Variants in ZNF730 observed in about 807,000 individuals in gnomAD.
ZNF730 encodes the protein zinc finger protein 730.
In ZNF730, 12 loss-of-function variants were observed where a neutral mutation model predicts 12.6. The ratio of observed to expected loss-of-function variants is 0.95; its 90% CI spans 0.61 to 1.54. ZNF730 has a LOEUF of 1.54. Ranked by LOEUF, ZNF730 falls within the 40% of genes most tolerant of loss-of-function variation. The pLI, the probability that ZNF730 is intolerant of heterozygous loss-of-function variation, is 0.00. For synonymous variants in ZNF730, 194 were observed against 195.8 expected (o/e 0.99, Z 0.08); for missense variants, 643 against 583.5 (o/e 1.10, Z -1.05).
chr19:23,085,305 T>G (rs1379357565), intron 1 of ZNF730, among the ~76,000 whole-genome samples: 2 of 151,872 alleles, frequency 1.3e-5, no homozygotes, highest in African/African-American at 4.8e-5. Context: ...TTTACCCACC[T>G]TTGTTTGTTT....
Position 23,134,512 on chromosome 19 carries a change from G to T in ZNF730, c.130+306G>T, listed in dbSNP as rs867697175. Among the ~76,000 whole-genome samples the T allele has an allele frequency of 1.8e-3, 257 of 143,046 alleles. 2 individuals carry two copies. The highest frequency in any genetic ancestry group is 6.3e-3 in the African/African-American group (244 of 38,616). The allele number at this position is 143,046 out of a possible 152,430, so 93.8% of individuals were successfully genotyped here. ...CCCCGCCCGGCCGGCCGCCCCGTCC[G>T]GGAGGTGAGGGGCGCCTCTGCCCGG... On this transcript the variant is annotated intron_variant, in intron 2 of 3. Transcript: ENST00000597761.
At chr19:23,135,732 T>C (rs1374417913) in intron 2 of ZNF730, among the ~76,000 whole-genome samples, 3 of 152,070 alleles carry the variant, frequency 2.0e-5, no homozygotes, top group Non-Finnish European at 4.4e-5. Context: ...AGGCTGGTCT[T>C]GAACTCCTGA....
chr19:23,085,836 CTTTTTTTTTTTTTTTTT>C (rs556123915), intron 1 of ZNF730, among the ~76,000 whole-genome samples: 3 of 54,856 alleles, frequency 5.5e-5, no homozygotes, highest in Middle Eastern at 0.017. Flanking sequence ...ATTTTTTTTT[CTTTTTTTTTTTTTTTTT>C]TTTTTTTTTT....
chr19:23,099,761 C>T (rs1262003132), intron 1 of ZNF730, among the ~76,000 whole-genome samples: 1 of 152,112 alleles, frequency 6.6e-6, no homozygotes, highest in Non-Finnish European at 1.5e-5. Context: ...TTAATGTCAC[C>T]AAAAGACCTT....
At chr19:23,104,605 C>T (rs186424517) in intron 1 of ZNF730, among the ~76,000 whole-genome samples, 2 of 152,274 alleles carry the variant, frequency 1.3e-5, no homozygotes, top group African/African-American at 4.8e-5. Flanking sequence ...GTATTCTCAA[C>T]TTATGGCAAT....
At chr19:23,136,144 A>G (rs912251117) in intron 3 of ZNF730, 101 bp downstream of exon 3, 11 of 840,322 alleles carry the variant, frequency 1.3e-5, no homozygotes, top group Middle Eastern at 2.6e-4. Flanking sequence ...GCTGTTTTAC[A>G]AAGGAAATAG....
At chr19:23,112,157 G>C (rs532835958), upstream of ZNF730, among the ~76,000 whole-genome samples, 3 of 151,032 alleles carry the variant, frequency 2.0e-5, no homozygotes, top group African/African-American at 7.3e-5. Context: ...GGCCCCTCCA[G>C]ACTCTTTAAT....
Position 23,134,595 on chromosome 19 carries a change from GT to G in ZNF730, c.130+390del, listed in dbSNP as rs1423421923. Among the ~76,000 whole-genome samples, 428 of 43,974 alleles carry G rather than the reference GT, an allele frequency of 9.7e-3. 4 individuals are homozygous for G. Among genetic ancestry groups the G allele is most frequent in the Non-Finnish European group, 0.018 (326 of 17,896 alleles). The allele number at this position is 43,974 out of a possible 152,430, so 28.8% of individuals were successfully genotyped here. On this transcript the variant is annotated intron_variant, in intron 2 of 3. Transcript: ENST00000597761. ...CTGGCCAGCCGCCCCGTCCTGGAGG[GT>G]GGGGGGGGGGGTCAGCCCCCCGCCC...
chr19:23,136,057 A>G lies in ZNF730; in HGVS notation c.226+14A>G, dbSNP rs768432161. 1.3e-6 allele frequency: 2 copies of G among 1,557,376 alleles called. No homozygotes were observed. The highest frequency in any genetic ancestry group is 1.7e-6 in the Non-Finnish European group (2 of 1,151,722). ...CCAAACCCCCAGGTAGGTGACAGTA[A>G]ATACAATACACAAAACTGATAAGAG... is the stretch of plus-strand genomic sequence containing the variant. On this transcript the variant is annotated intron_variant, in intron 3 of 3. Coordinates refer to ENST00000597761, the MANE Select transcript of ZNF730 (RefSeq NM_001277403.2).
At chr19:23,121,245 T>C (rs562908178) in intron 1 of ZNF730, among the ~76,000 whole-genome samples, 38 of 152,284 alleles carry the variant, frequency 2.5e-4, no homozygotes, top group African/African-American at 9.1e-4. Flanking sequence ...CTGATATCTT[T>C]GTTAATTTTC....
At chr19:23,104,879 T>A (rs925784568) in intron 1 of ZNF730, among the ~76,000 whole-genome samples, 2 of 152,060 alleles carry the variant, frequency 1.3e-5, no homozygotes, top group Non-Finnish European at 2.9e-5. Context: ...GAGCTCCAAG[T>A]TTGTCTTGGG....
chr19:23,127,540 G>C, intron 1 of ZNF730: 1 of 909,554 alleles, frequency 1.1e-6, no homozygotes, highest in South Asian at 1.3e-5. Flanking sequence ...AACCTGCATA[G>C]TCTTCATTTT....
intron 2 of ZNF730, 133 bp downstream of exon 2, chr19:23,134,339 G>C: frequency 1.3e-6 from 1 of 766,256 alleles, no homozygotes; most frequent in Non-Finnish European, 1.9e-6. Flanking sequence ...CTCAGGATTT[G>C]TCCCCTGCCC....
At chr19:23,099,544 A>G (rs1036238626) in intron 1 of ZNF730, among the ~76,000 whole-genome samples, 1 of 152,170 alleles carries the variant, frequency 6.6e-6, no homozygotes, top group African/African-American at 2.4e-5. Context: ...CTGTTTGTGG[A>G]TTCTGTCCAC....
At position 23,145,439 on chromosome 19, in the gene ZNF730, G is replaced by A; in HGVS notation, c.395G>A (p.Arg132Lys). 6.3e-7 allele frequency: 1 copy of A among 1,577,760 alleles called. No homozygotes were observed. Among genetic ancestry groups the A allele is most frequent in the East Asian group, 2.3e-5 (1 of 43,096 alleles). The change falls in exon 4 of 4, where the codon AGA becomes AAA. Residue 132 changes from arginine (R) to lysine (K), a missense_variant. Physicochemically the swap from Arg to Lys is conservative, Grantham distance 26 (BLOSUM62 2). Coordinates refer to ENST00000597761, the MANE Select transcript of ZNF730 (RefSeq NM_001277403.2). Reference protein sequence around the residue: ...EFKMHKKGYNRHNQCLTTSHS... With the variant: ...EFKMHKKGYNKHNQCLTTSHS... ...AAGATGCACAAAAAAGGTTATAATAGACATAACCAGTGTTTGACAACTTCC... is the reference window on the plus strand; with the variant it reads ...AAGATGCACAAAAAAGGTTATAATAAACATAACCAGTGTTTGACAACTTCC...
chr19:23,095,865 T>C (rs745964060), intron 1 of ZNF730, among the ~76,000 whole-genome samples: 13 of 152,168 alleles, frequency 8.5e-5, no homozygotes, highest in Non-Finnish European at 1.8e-4. Flanking sequence ...GAGTGACTTA[T>C]TACTGAGTTT....
Position 23,145,848 on chromosome 19 carries a change from C to T in ZNF730, c.804C>T (p.Ser268=). The T allele has an allele frequency of 6.2e-7, 1 of 1,606,094 alleles. No homozygotes were observed. The highest frequency in any genetic ancestry group is 8.5e-7 in the Non-Finnish European group (1 of 1,177,824). The change falls in exon 4 of 4, where the codon TCC becomes TCT. Residue 268 remains serine, a synonymous_variant. Transcript: ENST00000597761. ...CEKCGKFFNQ[S]TNLTTHKRIH... is the part of the protein sequence containing the mutation. Reference sequence around the variant, plus strand: ...AATGTGGCAAATTTTTTAACCAATCCACAAACCTTACTACACATAAAAGAA... The same window carrying T: ...AATGTGGCAAATTTTTTAACCAATCTACAAACCTTACTACACATAAAAGAA...
rs143919340 is a variant in ZNF730 at position 23,131,890 on chromosome 19, G to A, written c.4-2190G>A. ...TTAGAATCATGTGACTCTAAGTTGAGGCCAGAATCAAGTATGAGGGTTCAA... is the reference window on the plus strand; with the variant it reads ...TTAGAATCATGTGACTCTAAGTTGAAGCCAGAATCAAGTATGAGGGTTCAA... On this transcript the variant is annotated intron_variant, in intron 1 of 3. Coordinates refer to ENST00000597761, the MANE Select transcript of ZNF730 (RefSeq NM_001277403.2). Among the ~76,000 whole-genome samples, 485 of 152,178 alleles carry A rather than the reference G, an allele frequency of 3.2e-3. 1 individual carries two copies. The highest frequency in any genetic ancestry group is 5.8e-3 in the Non-Finnish European group (394 of 68,014).
intron 1 of ZNF730, among the ~76,000 whole-genome samples, chr19:23,088,691 C>A (rs192051955): frequency 6.3e-4 from 95 of 151,592 alleles, no homozygotes; most frequent in Middle Eastern, 3.5e-3. Context: ...TCTTGAACTC[C>A]TGACCTCAAG....
Sources: gnomAD v4.1 joint callset for allele counts (sites outside exome capture counted in the v4.1 genomes callset) on GRCh38, gnomAD v4.1.1 for gene constraint, MANE v1.5 for transcripts, NCBI Gene and HGNC (gene_info 2026-07-23, HGNC 2026-07-21) for gene names.